NRF1: variants seen among roughly 807,000 people sequenced by gnomAD.
NRF1 encodes the protein alpha palindromic-binding protein.
A neutral mutation model predicts 58.5 loss-of-function variants in NRF1; 5 were observed. That is an observed-to-expected ratio of 0.09 (90% CI 0.04 to 0.18). The LOEUF is 0.18. NRF1 is among the 10% of genes least tolerant of loss of function. The pLI is 1.00. For synonymous variants in NRF1, 224 were observed against 246.7 expected (o/e 0.91, Z 0.86); for missense variants, 288 against 657.7 (o/e 0.44, Z 6.15).
chr7:129,624,190 A>G (rs7787121), intron 1 of NRF1, among the ~76,000 whole-genome samples: 30,172 of 152,112 alleles, frequency 0.2, 3,993 homozygotes, highest in African/African-American at 0.38. Context: ...TCTCTGCTCA[A>G]ACATCATTTC....
chr7:129,664,153 G>A (rs1233243841), intron 2 of NRF1, among the ~76,000 whole-genome samples: 1 of 151,938 alleles, frequency 6.6e-6, no homozygotes, highest in Non-Finnish European at 1.5e-5. Context: ...AGGGGGAAAG[G>A]GAGGGAGAGG....
intron 1 of NRF1, among the ~76,000 whole-genome samples, chr7:129,656,451 G>A (rs1801657872): frequency 6.6e-6 from 1 of 151,734 alleles, no homozygotes; most frequent in South Asian, 2.1e-4. Context: ...GAACTTCTGG[G>A]GTGGGGGGGA....
At chr7:129,640,449 G>T (rs184052457) in intron 1 of NRF1, among the ~76,000 whole-genome samples, 130 of 152,144 alleles carry the variant, frequency 8.5e-4, no homozygotes, top group Non-Finnish European at 7.2e-4. Context: ...GGTCAAGGCT[G>T]CAGTGAGCCA....
intron 8 of NRF1, among the ~76,000 whole-genome samples, chr7:129,713,171 A>G (rs1803115232): frequency 7.0e-6 from 1 of 143,044 alleles, no homozygotes; most frequent in African/African-American, 2.6e-5. Flanking sequence ...ATCTCAGCTC[A>G]CTGCAACCTC....
chr7:129,715,777 G>A (rs909360540), intron 8 of NRF1, among the ~76,000 whole-genome samples: 15 of 152,170 alleles, frequency 9.9e-5, no homozygotes, highest in African/African-American at 3.6e-4. Flanking sequence ...GGCGGAGGCA[G>A]GTGGATCACC....
In NRF1 at chr7:129,646,539, G is replaced by T. The variant is rs1267594263; in HGVS notation, c.-6-10807G>T. ...GAGAAGAACCTGGAAGCTCAGAGAGGTCCTCCTGCAGCTGGTAATCTGATC... is the reference window on the plus strand; with the variant it reads ...GAGAAGAACCTGGAAGCTCAGAGAGTTCCTCCTGCAGCTGGTAATCTGATC... On this transcript the variant is annotated intron_variant, in intron 1 of 10. Coordinates refer to ENST00000393232, the MANE Select transcript of NRF1 (RefSeq NM_005011.5). Among the ~76,000 whole-genome samples the T allele has an allele frequency of 3.3e-5, 5 of 152,238 alleles. No individual in the cohort carries two copies. In the East Asian group the frequency reaches 9.7e-4, roughly 29 times the overall value.
At chr7:129,683,288 AGTGTGTGTGTGTGT>A (rs35691853) in intron 4 of NRF1, among the ~76,000 whole-genome samples, 3 of 140,498 alleles carry the variant, frequency 2.1e-5, no homozygotes, top group African/African-American at 8.0e-5. Flanking sequence ...TCATGTGGAG[AGTGTGTGTGTGTGT>A]GTGTGTGTGT....
chr7:129,664,119 T>C (rs1161108941), intron 2 of NRF1, among the ~76,000 whole-genome samples: 2 of 73,046 alleles, frequency 2.7e-5, no homozygotes. Flanking sequence ...AGGGAGACAG[T>C]GGAGACGGGA....
chr7:129,639,652 A>G (rs1475854772), intron 1 of NRF1, among the ~76,000 whole-genome samples: 1 of 149,660 alleles, frequency 6.7e-6, no homozygotes, highest in Non-Finnish European at 1.5e-5. Context: ...GGTTCAAGCC[A>G]TTCTCCTGCC....
At chr7:129,621,639 C>T (rs970478664) in intron 1 of NRF1, among the ~76,000 whole-genome samples, 1 of 151,968 alleles carries the variant, frequency 6.6e-6, no homozygotes, top group Non-Finnish European at 1.5e-5. Context: ...GTCTCTTACC[C>T]CAAAACTAGC....
At position 129,755,480 on chromosome 7, in the gene NRF1, G is replaced by A; in HGVS notation, c.*299G>A. ...TATACTTATGTGTGTGTATGTGTGA[G>A]TGTGAATATATGTATATGTGTACAT... is the stretch of plus-strand genomic sequence containing the variant. On this transcript the variant is annotated 3_prime_UTR_variant, in exon 11 of 11. Transcript: ENST00000393232. This position sits in a 1 kb window ranked among gnomAD's most constrained non-coding sequence, Gnocchi z 5.8. 4.1e-6 allele frequency: 1 copy of A among 242,558 alleles called. No individual in the cohort carries two copies. The highest frequency in any genetic ancestry group is 8.0e-6 in the Non-Finnish European group (1 of 124,502). 15.0% of individuals were successfully genotyped at this position (242,558 alleles called of 1,614,324 possible). A position where few individuals can be genotyped will look rare whatever the true frequency, so the allele number is the denominator to read the frequency against.
At chr7:129,667,128 C>A (rs1280886018) in intron 2 of NRF1, among the ~76,000 whole-genome samples, 1 of 152,158 alleles carries the variant, frequency 6.6e-6, no homozygotes, top group Non-Finnish European at 1.5e-5. Flanking sequence ...AATTGGAGGG[C>A]CAAAGATGTC....
chr7:129,652,115 C>T (rs1033775099), intron 1 of NRF1, among the ~76,000 whole-genome samples: 1 of 152,080 alleles, frequency 6.6e-6, no homozygotes, highest in Non-Finnish European at 1.5e-5. Flanking sequence ...CTCAGAGGAA[C>T]AAAGGATTTT....
intron 9 of NRF1, among the ~76,000 whole-genome samples, chr7:129,721,295 A>C (rs181195369): frequency 6.6e-6 from 1 of 152,072 alleles, no homozygotes; most frequent in Non-Finnish European, 1.5e-5. Context: ...CTTACTTGAT[A>C]GTATATTGTT....
At chr7:129,700,506 T>A (rs1189215043) in intron 5 of NRF1, among the ~76,000 whole-genome samples, 1 of 152,222 alleles carries the variant, frequency 6.6e-6, no homozygotes. Flanking sequence ...AAACTGCTTC[T>A]CCATACTGTA....
intron 2 of NRF1, among the ~76,000 whole-genome samples, chr7:129,658,996 G>T (rs149208402): frequency 7.0e-4 from 105 of 149,704 alleles, no homozygotes; most frequent in African/African-American, 2.3e-3. Context: ...TCAGGGACTT[G>T]AGCATCTACA....
chr7:129,722,411 C>A (rs1441858719), intron 9 of NRF1, among the ~76,000 whole-genome samples: 1 of 151,030 alleles, frequency 6.6e-6, no homozygotes, highest in Non-Finnish European at 1.5e-5. Context: ...AAAAAAAAAT[C>A]TTTCTAGCAG....
At chr7:129,642,803 C>T (rs549009358) in intron 1 of NRF1, among the ~76,000 whole-genome samples, 5 of 143,330 alleles carry the variant, frequency 3.5e-5, no homozygotes, top group African/African-American at 1.3e-4. Context: ...CATTGTTTTC[C>T]AGGCTGGAGT....
intron 10 of NRF1, chr7:129,744,374 ACCATTGATT>A (rs1258881516): frequency 4.9e-6 from 3 of 610,502 alleles, no homozygotes; most frequent in South Asian, 2.0e-5. Flanking sequence ...AGTTTTAGTA[ACCATTGATT>A]CCATTGATTA....
Sources: allele counts gnomAD v4.1 joint callset (sites outside exome capture counted in the v4.1 genomes callset), GRCh38; gene constraint gnomAD v4.1.1; non-coding constraint Gnocchi (gnomAD v3.1); transcripts MANE v1.5; gene names NCBI Gene and HGNC (gene_info 2026-07-23, HGNC 2026-07-21).